POT1: variants seen among roughly 807,000 people sequenced by gnomAD.
POT1 encodes protection of telomeres 1.
A neutral mutation model predicts 78.5 loss-of-function variants in POT1; 47 were observed. The observed-to-expected ratio is 0.60, with a 90% CI of 0.47 to 0.76. POT1 has a LOEUF of 0.76. Among genes scored for constraint, POT1 ranks in the 30% least tolerant of loss-of-function variants. The probability of loss-of-function intolerance (pLI) is 0.00; values close to 1 mark genes in which losing one functional copy is unlikely to be tolerated. For synonymous variants in POT1, 259 were observed against 260.7 expected, an observed-to-expected ratio of 0.99 and a Z score of 0.06; for missense variants, 646 against 749.9, an observed-to-expected ratio of 0.86 and a Z score of 1.62.
chr7:124,877,840 C>CAAAAAAAAAAAAAAAAA lies in POT1; in HGVS notation c.125-6816_125-6800dup, dbSNP rs201285982. 1.0e-3 allele frequency among the ~76,000 whole-genome samples: 83 copies of CAAAAAAAAAAAAAAAAA among 80,546 alleles called. 5 individuals carry two copies. The highest frequency in any genetic ancestry group is 1.7e-3 in the East Asian group (3 of 1,748). 52.8% of individuals were successfully genotyped at this position (80,546 alleles called of 152,430 possible). On this transcript the variant is annotated intron_variant, in intron 6 of 18. Transcript: ENST00000357628. Reference sequence around the variant, plus strand: ...TGGGCGACAGAGAGAGATTCTGTCTCAAAAAAAAAAAAAAAAAAAAAAAAA... The same window carrying CAAAAAAAAAAAAAAAAA: ...TGGGCGACAGAGAGAGATTCTGTCTCAAAAAAAAAAAAAAAAAAAAAAAAAAAAAAAAAAAAAAAAAA...
At chr7:124,925,844 C>T (rs893861247) in intron 2 of POT1, among the ~76,000 whole-genome samples, 2 of 152,026 alleles carry the variant, frequency 1.3e-5, no homozygotes, top group Admixed American at 6.6e-5. Flanking sequence ...ATGGCAAGAA[C>T]ACTACACTGG....
intron 2 of POT1, among the ~76,000 whole-genome samples, chr7:124,923,251 A>G (rs1456320766): frequency 6.6e-6 from 1 of 151,988 alleles, no homozygotes; most frequent in Non-Finnish European, 1.5e-5. Context: ...GAGAAATCTG[A>G]AAACCAATAC....
chr7:124,851,998 T>C, intron 10 of POT1, 47 bp from the exon 11 acceptor site: 1 of 1,329,182 alleles, frequency 7.5e-7, no homozygotes, highest in Non-Finnish European at 1.1e-6. Flanking sequence ...ACAAAGTCAA[T>C]ATAGTAAATT....
chr7:124,827,249 C>T lies in POT1; in HGVS notation c.1651G>A (p.Gly551Arg), dbSNP rs1021547035. 4.4e-6 allele frequency: 7 copies of T among 1,595,508 alleles called. No individual in the cohort carries two copies. The highest frequency in any genetic ancestry group is 5.1e-6 in the Non-Finnish European group (6 of 1,166,176). The change falls in exon 17 of 19, where the codon GGA (glycine) becomes AGA (arginine). Residue 551 changes from glycine (G) to arginine (R), a missense_variant. By Grantham distance (125) the Gly-to-Arg change is moderately radical. This residue lies in a region of POT1 where 394 missense variants were observed against 408.4 expected (regional missense o/e 0.96). Transcript: ENST00000357628. The part of the protein sequence containing the change: ...VFVMTFTLDD[G>R]TGVLEAYLMD... The stretch of plus-strand genomic sequence containing the variant: ...AGATAGGCTTCTAGTACTCCTGTTC[C>T]ATCATCAAGTGTAAAGGTCATAACA...
At chr7:124,892,428 T>C (rs780178080) in intron 5 of POT1, 48 bp from the exon 6 acceptor site, 1 of 900,196 alleles carries the variant, frequency 1.1e-6, no homozygotes, top group East Asian at 3.0e-5. Flanking sequence ...GTATTTACAT[T>C]GTAGAATCAT....
At position 124,865,656 on chromosome 7, in the gene POT1, T is replaced by G. The variant is rs191569115; in HGVS notation, c.256-2016A>C. On this transcript the variant is annotated intron_variant, in intron 7 of 18. Coordinates refer to ENST00000357628, the MANE Select transcript of POT1 (RefSeq NM_015450.3). ...CATTTAACATCTTCCTCTAATTCAC[T>G]GAATCTATTTTCACTTAATTCCTTT... Among the ~76,000 whole-genome samples, 1,066 of 151,882 alleles carry G rather than the reference T, an allele frequency of 7.0e-3. 11 individuals carry two copies. The highest frequency in any genetic ancestry group is 0.025 in the African/African-American group (1,031 of 41,522).
intron 9 of POT1, among the ~76,000 whole-genome samples, chr7:124,856,671 T>C (rs897065309): frequency 1.3e-5 from 2 of 151,996 alleles, no homozygotes; most frequent in Admixed American, 6.6e-5. Context: ...AAGACCTACA[T>C]TGGAAGACCT....
intron 3 of POT1, among the ~76,000 whole-genome samples, chr7:124,899,779 T>G (rs1207387993): frequency 6.6e-6 from 1 of 152,186 alleles, no homozygotes; most frequent in Non-Finnish European, 1.5e-5. Flanking sequence ...CTGTTCCACT[T>G]AAAAATGTTT....
intron 6 of POT1, among the ~76,000 whole-genome samples, chr7:124,880,376 G>GA (rs1383519434): frequency 2.6e-5 from 4 of 151,938 alleles, no homozygotes; most frequent in African/African-American, 4.8e-5. Flanking sequence ...ACCAATACAG[G>GA]AAAAAAACTG....
At chr7:124,875,797 T>C (rs758454583) in intron 6 of POT1, among the ~76,000 whole-genome samples, 5 of 152,200 alleles carry the variant, frequency 3.3e-5, no homozygotes, top group Non-Finnish European at 7.4e-5. Context: ...CAGTAAGTCA[T>C]TCAACAAAAA....
At chr7:124,897,105 T>C (rs1796510022) in intron 5 of POT1, 60 bp downstream of exon 5, 1 of 1,057,094 alleles carries the variant, frequency 9.5e-7, no homozygotes, top group Non-Finnish European at 1.4e-6. Flanking sequence ...CATGTATCTA[T>C]GTGTGTGGCA....
At chr7:124,832,490 T>A (rs920957928) in intron 15 of POT1, among the ~76,000 whole-genome samples, 2 of 152,044 alleles carry the variant, frequency 1.3e-5, no homozygotes, top group Non-Finnish European at 2.9e-5. Context: ...GTGAACAGCA[T>A]TTGCCTTAGT....
At chr7:124,883,427 A>G (rs1409911725) in intron 6 of POT1, among the ~76,000 whole-genome samples, 1 of 152,146 alleles carries the variant, frequency 6.6e-6, no homozygotes, top group Non-Finnish European at 1.5e-5. Flanking sequence ...GTCAGAAACA[A>G]TGACATATAT....
intron 2 of POT1, among the ~76,000 whole-genome samples, chr7:124,922,462 G>A (rs1040101298): frequency 1.3e-5 from 2 of 151,946 alleles, no homozygotes; most frequent in Non-Finnish European, 2.9e-5. Context: ...ACAGTTCAAT[G>A]AACAGGGGAG....
chr7:124,904,840 C>A (rs180867859), intron 3 of POT1, among the ~76,000 whole-genome samples: 170 of 152,218 alleles, frequency 1.1e-3, no homozygotes, highest in African/African-American at 4.1e-3. Flanking sequence ...ACAAGCATTC[C>A]TATATACCAA....
chr7:124,869,473 A>G (rs1211036030), intron 7 of POT1, among the ~76,000 whole-genome samples: 3 of 152,226 alleles, frequency 2.0e-5, no homozygotes, highest in African/African-American at 7.2e-5. Flanking sequence ...GTTTATGAAG[A>G]GTGTATTGTT....
chr7:124,843,031 C>G, intron 12 of POT1, 68 bp from the exon 13 acceptor site: 1 of 1,029,726 alleles, frequency 9.7e-7, no homozygotes, highest in East Asian at 2.8e-5. Flanking sequence ...CCTCCTGAAC[C>G]AAATATATAC....
At chr7:124,892,133 T>C (rs539106177) in intron 6 of POT1, 133 bp downstream of exon 6, 25 of 542,224 alleles carry the variant, frequency 4.6e-5, no homozygotes, top group African/African-American at 4.1e-4. Context: ...CCAAAGAATA[T>C]GCATCAGTGT....
intron 4 of POT1, among the ~76,000 whole-genome samples, chr7:124,897,828 A>AGT (rs1563011455): frequency 2.6e-5 from 4 of 151,986 alleles, no homozygotes; most frequent in East Asian, 3.9e-4. Flanking sequence ...GCAGTTTTCA[A>AGT]GTGTGTGTGT....
Sources: allele counts gnomAD v4.1 joint callset (sites outside exome capture counted in the v4.1 genomes callset), GRCh38; gene constraint gnomAD v4.1.1; regional missense constraint gnomAD v4.1.1; transcripts MANE v1.5; gene names NCBI Gene and HGNC (gene_info 2026-07-23, HGNC 2026-07-21).